Variants in DLG2 observed in about 807,000 individuals in gnomAD.
The protein encoded by DLG2 is discs large MAGUK scaffold protein 2.
A neutral mutation model predicts 132.5 loss-of-function variants in DLG2; 45 were observed. The ratio of observed to expected loss-of-function variants is 0.34; its 90% CI spans 0.27 to 0.44. The LOEUF (loss-of-function observed/expected upper bound fraction) is 0.44. DLG2 is among the 20% of genes least tolerant of loss of function. DLG2 has a pLI of 1.00. For synonymous variants in DLG2, 424 were observed against 419.6 expected (o/e 1.01, Z -0.13); for missense variants, 1,045 against 1,196.9 (o/e 0.87, Z 1.87).
At chr11:84,572,035 A>C (rs1407103168) in intron 6 of DLG2, among the ~76,000 whole-genome samples, 1 of 151,668 alleles carries the variant, frequency 6.6e-6, no homozygotes, top group Non-Finnish European at 1.5e-5. Flanking sequence ...TGAGTCCTTA[A>C]GTGGATTCTA....
intron 6 of DLG2, among the ~76,000 whole-genome samples, chr11:85,055,778 A>T (rs2063390982): frequency 6.6e-6 from 1 of 152,158 alleles, no homozygotes; most frequent in African/African-American, 2.4e-5. Flanking sequence ...GATGCTGGAG[A>T]GTAAAAAAAT....
intron 3 of DLG2, among the ~76,000 whole-genome samples, chr11:85,416,606 C>G (rs2089876350): frequency 6.6e-6 from 1 of 152,152 alleles, no homozygotes; most frequent in Non-Finnish European, 1.5e-5. Context: ...TTTGTTTCCT[C>G]TGTCATTTCC....
chr11:84,698,793 T>TG (rs535289752), intron 6 of DLG2, among the ~76,000 whole-genome samples: 2 of 89,748 alleles, frequency 2.2e-5, no homozygotes, highest in Non-Finnish European at 4.7e-5. Context: ...TACTGTTGCG[T>TG]TTTTTTTGTT....
chr11:84,047,951 A>G (rs907727386), intron 11 of DLG2, among the ~76,000 whole-genome samples: 5 of 151,584 alleles, frequency 3.3e-5, no homozygotes, highest in African/African-American at 1.2e-4. Flanking sequence ...TTGCTACACA[A>G]TCTTAGGAGA....
intron 6 of DLG2, among the ~76,000 whole-genome samples, chr11:84,836,637 C>T (rs1052205594): frequency 6.6e-6 from 1 of 151,740 alleles, no homozygotes; most frequent in African/African-American, 2.4e-5. Context: ...CAGCTTTTGC[C>T]CTCAAGGATC....
chr11:84,527,763 A>G (rs1042991084), intron 7 of DLG2, among the ~76,000 whole-genome samples: 30 of 152,206 alleles, frequency 2.0e-4, no homozygotes, highest in Admixed American at 1.9e-3. Context: ...GCAAGATGCC[A>G]TTGATCTTAA....
chr11:85,549,109 C>G (rs1365343424), intron 3 of DLG2, among the ~76,000 whole-genome samples: 1 of 152,118 alleles, frequency 6.6e-6, no homozygotes, highest in Non-Finnish European at 1.5e-5. Context: ...AAACCCAGAG[C>G]CCTGGTGGCT....
At chr11:84,692,739 C>A (rs1485870867) in intron 6 of DLG2, among the ~76,000 whole-genome samples, 1 of 151,680 alleles carries the variant, frequency 6.6e-6, no homozygotes, top group Non-Finnish European at 1.5e-5. Flanking sequence ...CCAGGCTTCA[C>A]TGGCCACTAT....
chr11:83,625,783 A>G (rs1442649937), intron 19 of DLG2, among the ~76,000 whole-genome samples: 2 of 152,300 alleles, frequency 1.3e-5, no homozygotes, highest in South Asian at 2.1e-4. Flanking sequence ...AAACAAATGA[A>G]ACAGCCTGAA....
At chr11:85,267,922 TC>T (rs752013176) in intron 4 of DLG2, among the ~76,000 whole-genome samples, 1 of 151,706 alleles carries the variant, frequency 6.6e-6, no homozygotes, top group Non-Finnish European at 1.5e-5. Flanking sequence ...ATGTGTGTGT[TC>T]CTGCTTTCCT....
intron 10 of DLG2, among the ~76,000 whole-genome samples, chr11:84,067,534 G>A (rs2096695758): frequency 6.9e-6 from 1 of 144,414 alleles, no homozygotes; most frequent in Non-Finnish European, 1.5e-5. Context: ...CTCACAGAGA[G>A]GAGAAAATAA....
chr11:85,409,404 G>T (rs1420334907), intron 3 of DLG2, among the ~76,000 whole-genome samples: 1 of 151,496 alleles, frequency 6.6e-6, no homozygotes, highest in Non-Finnish European at 1.5e-5. Flanking sequence ...CCCTAAAAGG[G>T]GAATATAAAA....
Position 84,227,651 on chromosome 11 carries a change from G to T in DLG2, c.573+23587C>A, listed in dbSNP as rs548286471. ...AAAATATGTATATTGGCTGGGTGTG[G>T]TGGCTCACACCTGTAATCCCAGCAC... On this transcript the variant is annotated intron_variant, in intron 8 of 27. Coordinates refer to ENST00000376104, the MANE Select transcript of DLG2 (RefSeq NM_001142699.3). Among the ~76,000 whole-genome samples the T allele has an allele frequency of 5.9e-5, 9 of 152,250 alleles. No homozygotes were observed. The South Asian group carries it at 1.9e-3, about 32-fold the overall frequency.
chr11:84,907,206 C>T (rs1158581315), intron 6 of DLG2, among the ~76,000 whole-genome samples: 1 of 152,004 alleles, frequency 6.6e-6, no homozygotes, highest in Non-Finnish European at 1.5e-5. Flanking sequence ...TAGAGAGGGT[C>T]CCTTTGATGA....
intron 3 of DLG2, among the ~76,000 whole-genome samples, chr11:85,398,532 C>A (rs1340490223): frequency 1.3e-5 from 2 of 152,104 alleles, no homozygotes; most frequent in Non-Finnish European, 2.9e-5. Context: ...AGACCACTAG[C>A]AGGACTAATA....
At chr11:83,786,349 C>G (rs1594341757) in intron 18 of DLG2, 2 of 204,650 alleles carry the variant, frequency 9.8e-6, no homozygotes, top group East Asian at 2.2e-4. Context: ...GATGAAATCT[C>G]TCCCTTTTGC....
chr11:84,239,947 T>G (rs1290549268), intron 8 of DLG2, among the ~76,000 whole-genome samples: 1 of 152,190 alleles, frequency 6.6e-6, no homozygotes, highest in African/African-American at 2.4e-5. Flanking sequence ...TTCATTACCC[T>G]TTTCTCCCAT....
chr11:85,111,017 A>G (rs2072644650), intron 6 of DLG2, among the ~76,000 whole-genome samples: 1 of 152,146 alleles, frequency 6.6e-6, no homozygotes, highest in Non-Finnish European at 1.5e-5. Flanking sequence ...CACTTTCTTC[A>G]CACACTTCAG....
intron 21 of DLG2, among the ~76,000 whole-genome samples, chr11:83,525,755 A>C (rs936511165): frequency 9.9e-5 from 15 of 152,164 alleles, no homozygotes; most frequent in African/African-American, 3.4e-4. Flanking sequence ...GGCCATTCCA[A>C]GACCGGCTCC....
Sources: gnomAD v4.1 joint callset for allele counts (sites outside exome capture counted in the v4.1 genomes callset) on GRCh38, gnomAD v4.1.1 for gene constraint, MANE v1.5 for transcripts, NCBI Gene and HGNC (gene_info 2026-07-23, HGNC 2026-07-21) for gene names.